Variants in CANX observed in about 807,000 individuals in gnomAD.
CANX encodes the protein epididymis secretory sperm binding protein.
In CANX, 14 loss-of-function variants were observed where a neutral mutation model predicts 75.7. The observed-to-expected ratio is 0.19, with a 90% confidence interval of 0.12 to 0.29. The LOEUF (loss-of-function observed/expected upper bound fraction) is 0.29, where lower values mean the gene tolerates loss of function less well. CANX is among the 10% of genes least tolerant of loss of function. The pLI, the probability that CANX is intolerant of heterozygous loss-of-function variation, is 1.00. For missense variants in CANX, 567 were observed against 713.2 expected, an observed-to-expected ratio of 0.79 and a Z score of 2.34; for synonymous variants, 227 against 236.9, an observed-to-expected ratio of 0.96 and a Z score of 0.38.
chr5:179,726,250 G>A (rs1369588628), intron 13 of CANX, among the ~76,000 whole-genome samples: 1 of 151,450 alleles, frequency 6.6e-6, no homozygotes, highest in African/African-American at 2.4e-5. Context: ...TCATGCCATT[G>A]CACTCCAACC....
At chr5:179,726,449 G>C (rs183008776) in intron 13 of CANX, among the ~76,000 whole-genome samples, 1 of 151,704 alleles carries the variant, frequency 6.6e-6, no homozygotes, top group East Asian at 1.9e-4. Context: ...GGTGGCAGGC[G>C]CCTGTAGTCC....
chr5:179,680,917 A>G, intron 1 of CANX: 1 of 1,536,298 alleles, frequency 6.5e-7, no homozygotes, highest in Non-Finnish European at 8.7e-7. Context: ...GGAAGCCCAC[A>G]TCCAGGCCCA....
chr5:179,698,620 G>A, upstream of CANX: 1 of 1,282,148 alleles, frequency 7.8e-7, no homozygotes, highest in Non-Finnish European at 1.0e-6. Context: ...GCTACTGGGG[G>A]TTGGGTTGGA....
chr5:179,692,973 C>T (rs1027331774), intron 1 of CANX, among the ~76,000 whole-genome samples: 1 of 151,232 alleles, frequency 6.6e-6, no homozygotes, highest in Admixed American at 6.6e-5. Flanking sequence ...GGTGAAACCC[C>T]ATCTCTACTA....
chr5:179,692,182 C>G (rs1193991314), intron 1 of CANX, among the ~76,000 whole-genome samples: 3 of 151,920 alleles, frequency 2.0e-5, no homozygotes, highest in Non-Finnish European at 4.4e-5. Flanking sequence ...TCAAGTGATT[C>G]TCCTGCCTCA....
rs749509239 is a variant in CANX, at chr5:179,723,009, G to A, written c.1388G>A (p.Gly463Glu). 3 of 1,613,568 alleles carry A rather than the reference G, an allele frequency of 1.9e-6. No individual in the cohort carries two copies. The highest frequency in any genetic ancestry group is 2.5e-6 in the Non-Finnish European group (3 of 1,179,504). The change falls in exon 11 of 15, where the codon GGG becomes GAG. Residue 463 changes from glycine to glutamate, a missense_variant. By Grantham distance (98) the Gly-to-Glu change is moderately conservative (BLOSUM62 -2). Around this residue, in one of 3 missense-constraint regions of CANX, gnomAD observed 167 missense variants for 179.3 expected, o/e 0.93. Transcript: ENST00000247461. The part of the protein sequence containing the change: ...DGWGLKKAAD[G>E]AAEPGVVGQM... The stretch of plus-strand genomic sequence containing the variant: ...TGGGGCCTGAAGAAAGCTGCTGATG[G>A]GGCTGCTGAGGTTCGTGTTTGCTGC...
At chr5:179,698,581 T>G, upstream of CANX, 1 of 1,289,364 alleles carries the variant, frequency 7.8e-7, no homozygotes, top group Non-Finnish European at 1.0e-6. Flanking sequence ...GCGTCCCAAG[T>G]CTCGGCTCCA....
upstream of CANX, chr5:179,698,567 C>T (rs1296072375): frequency 1.0e-5 from 13 of 1,289,288 alleles, no homozygotes; most frequent in African/African-American, 6.1e-5. Flanking sequence ...GAAGGGCGCG[C>T]GATGCGTCCC....
chr5:179,700,005 C>T (rs1776626882), intron 1 of CANX, among the ~76,000 whole-genome samples: 2 of 152,154 alleles, frequency 1.3e-5, no homozygotes, highest in South Asian at 2.1e-4. Flanking sequence ...GATATGTATA[C>T]AATAAGACAG....
chr5:179,705,914 C>A, intron 2 of CANX, 62 bp downstream of exon 2: 1 of 1,425,256 alleles, frequency 7.0e-7, no homozygotes, highest in Admixed American at 1.7e-5. Context: ...TATGAAGATA[C>A]CCGGGTGCAG....
At chr5:179,709,330 CATGA>C (rs1026603186) in intron 6 of CANX, among the ~76,000 whole-genome samples, 4 of 151,764 alleles carry the variant, frequency 2.6e-5, no homozygotes, top group Non-Finnish European at 4.4e-5. Context: ...AGGAGAATGG[CATGA>C]ACCTGGGAGG....
intron 1 of CANX, among the ~76,000 whole-genome samples, chr5:179,679,907 A>G (rs1041995635): frequency 5.5e-5 from 8 of 144,186 alleles, no homozygotes; most frequent in Non-Finnish European, 1.0e-4. Flanking sequence ...GATCCACCCA[A>G]CTCGGCCTCC....
At chr5:179,713,324 G>A (rs1366509920) in intron 7 of CANX, among the ~76,000 whole-genome samples, 3 of 151,992 alleles carry the variant, frequency 2.0e-5, no homozygotes, top group Admixed American at 6.6e-5. Context: ...CGCCCACCTC[G>A]GCCTCCCAAA....
At chr5:179,679,798 A>C (rs1277067552) in intron 1 of CANX, among the ~76,000 whole-genome samples, 1 of 151,766 alleles carries the variant, frequency 6.6e-6, no homozygotes. Context: ...AGCTGAGATT[A>C]CAGGCGCCTG....
chr5:179,700,578 C>T (rs957815962), intron 1 of CANX: 1 of 152,718 alleles, frequency 6.5e-6, no homozygotes, highest in African/African-American at 2.4e-5. Flanking sequence ...GTGTGGGGGT[C>T]AGTGTTGCAC....
At chr5:179,727,306 G>T (rs1015760692) in intron 14 of CANX, among the ~76,000 whole-genome samples, 1 of 152,306 alleles carries the variant, frequency 6.6e-6, no homozygotes, top group South Asian at 2.1e-4. Flanking sequence ...ACAACACAGC[G>T]TATTAGGAAG....
chr5:179,707,761 A>T (rs1032763661), intron 4 of CANX, among the ~76,000 whole-genome samples: 5 of 151,888 alleles, frequency 3.3e-5, no homozygotes, highest in Non-Finnish European at 2.9e-5. Context: ...ATTTCTAGAC[A>T]GTAGTATAAT....
chr5:179,724,603 T>C (rs768270852), intron 12 of CANX, 54 bp from the exon 13 acceptor site: 2 of 1,492,862 alleles, frequency 1.3e-6, no homozygotes, highest in South Asian at 1.1e-5. Context: ...TCAGGAATTA[T>C]ATAACATAAT....
intron 6 of CANX, chr5:179,709,665 CT>C (rs956943606): frequency 1.8e-4 from 74 of 419,946 alleles, no homozygotes; most frequent in Admixed American, 2.9e-4. Context: ...GTGTGCATTA[CT>C]TTTTTTTAGA....
Sources: allele counts gnomAD v4.1 joint callset (sites outside exome capture counted in the v4.1 genomes callset), GRCh38; gene constraint gnomAD v4.1.1; regional missense constraint gnomAD v4.1.1; transcripts MANE v1.5; gene names NCBI Gene and HGNC (gene_info 2026-07-23, HGNC 2026-07-21).